The following IQCM variants were observed in gnomAD, a reference collection of about 807,000 sequenced individuals.
The protein encoded by IQCM is IQ motif containing M, also known as IQ domain-containing protein M.
IQCM carries 45 observed loss-of-function variants against 57.6 expected under a neutral mutation model. The observed-to-expected ratio is 0.78, with a 90% CI of 0.62 to 1.00. The LOEUF is 1.00. IQCM is among the 50% of genes least tolerant of loss of function. The pLI is 0.00. For synonymous variants in IQCM, 148 were observed against 158.9 expected, an observed-to-expected ratio of 0.93 and a Z score of 0.51; for missense variants, 468 against 511.6, an observed-to-expected ratio of 0.91 and a Z score of 0.82.
At chr4:149,491,526 G>A (rs754475147) in intron 12 of IQCM, among the ~76,000 whole-genome samples, 16 of 151,924 alleles carry the variant, frequency 1.1e-4, no homozygotes, top group South Asian at 2.1e-4. Context: ...GTTTTTCTGC[G>A]CCTGGTTTAT....
At chr4:149,598,998 G>C (rs1403198698) in intron 8 of IQCM, among the ~76,000 whole-genome samples, 1 of 151,844 alleles carries the variant, frequency 6.6e-6, no homozygotes, top group Admixed American at 6.6e-5. Context: ...CCCAAGACTG[G>C]ATGGCATATA....
chr4:149,424,208 T>A (rs2111230673), intron 13 of IQCM, among the ~76,000 whole-genome samples: 1 of 151,978 alleles, frequency 6.6e-6, no homozygotes, highest in Admixed American at 6.6e-5. Flanking sequence ...AATGTAAAAC[T>A]ATTTTTAAAT....
intron 8 of IQCM, among the ~76,000 whole-genome samples, chr4:149,615,142 TTC>T (rs1755674056): frequency 6.6e-6 from 1 of 152,196 alleles, no homozygotes; most frequent in Non-Finnish European, 1.5e-5. Context: ...TTGTTTTTTT[TTC>T]AGCTATGACT....
intron 10 of IQCM, among the ~76,000 whole-genome samples, chr4:149,560,684 A>G (rs545001470): frequency 1.3e-5 from 2 of 152,226 alleles, no homozygotes; most frequent in Non-Finnish European, 2.9e-5. Context: ...GACAGGTAAG[A>G]TAATTTGATG....
At chr4:149,447,660 A>G (rs534284262) in intron 12 of IQCM, among the ~76,000 whole-genome samples, 2 of 151,704 alleles carry the variant, frequency 1.3e-5, no homozygotes, top group East Asian at 3.9e-4. Context: ...AACATTAAAA[A>G]GCCTAATATA....
chr4:149,643,510 C>T (rs1238539811), intron 7 of IQCM, among the ~76,000 whole-genome samples: 1 of 152,018 alleles, frequency 6.6e-6, no homozygotes, highest in Non-Finnish European at 1.5e-5. Flanking sequence ...AGTAGGTCCA[C>T]CAGGGAGTGA....
At chr4:149,523,288 G>C (rs1458307326) in intron 12 of IQCM, among the ~76,000 whole-genome samples, 1 of 151,822 alleles carries the variant, frequency 6.6e-6, no homozygotes, top group African/African-American at 2.4e-5. Context: ...ACAAATTTTG[G>C]GGAAATACAT....
chr4:149,608,472 C>T (rs1754989818), intron 8 of IQCM, among the ~76,000 whole-genome samples: 1 of 151,776 alleles, frequency 6.6e-6, no homozygotes, highest in South Asian at 2.1e-4. Flanking sequence ...CATTCTTCTC[C>T]TCAACACATG....
At chr4:149,515,192 C>CT (rs1446733613) in intron 12 of IQCM, among the ~76,000 whole-genome samples, 2 of 151,588 alleles carry the variant, frequency 1.3e-5, no homozygotes, top group African/African-American at 2.4e-5. Context: ...AACTACTCCC[C>CT]TTTTTTTGAG....
In IQCM at chr4:149,688,389, C is replaced by T. The variant is rs1230600160; in HGVS notation, c.386-1921G>A. On this transcript the variant is annotated intron_variant, in intron 5 of 13. Transcript: ENST00000636793. ...AAAAATAAAATACTTAAGAATATAC[C>T]TAACCAAGGAGGCAAAAGACCTCTA... Among the ~76,000 whole-genome samples, 3 of 151,774 alleles carry T rather than the reference C, an allele frequency of 2.0e-5. No individual in the cohort carries two copies. The East Asian group carries it at 5.8e-4, about 29-fold the overall frequency.
chr4:149,512,262 G>C (rs1051649790), intron 12 of IQCM, among the ~76,000 whole-genome samples: 4 of 152,080 alleles, frequency 2.6e-5, no homozygotes, highest in South Asian at 2.1e-4. Flanking sequence ...ATAGGGGTTG[G>C]GGGGGCAGTG....
At chr4:149,646,327 G>T (rs2150124834) in intron 7 of IQCM, among the ~76,000 whole-genome samples, 1 of 151,900 alleles carries the variant, frequency 6.6e-6, no homozygotes, top group South Asian at 2.1e-4. Flanking sequence ...TGAAATATGA[G>T]ATTAGAGTTA....
intron 12 of IQCM, among the ~76,000 whole-genome samples, chr4:149,448,453 A>T (rs1054834462): frequency 6.6e-6 from 1 of 151,666 alleles, no homozygotes; most frequent in Non-Finnish European, 1.5e-5. Context: ...CTTGAAAAGG[A>T]AGAGTAAATG....
intron 7 of IQCM, among the ~76,000 whole-genome samples, chr4:149,626,046 C>G (rs1036686571): frequency 2.0e-5 from 3 of 151,890 alleles, no homozygotes; most frequent in African/African-American, 7.3e-5. Flanking sequence ...TTGAAGGATA[C>G]AAAGTATTGA....
intron 10 of IQCM, among the ~76,000 whole-genome samples, chr4:149,558,602 G>C (rs905017361): frequency 1.3e-5 from 2 of 152,104 alleles, no homozygotes; most frequent in Non-Finnish European, 2.9e-5. Flanking sequence ...AAAAGAGACA[G>C]GGAGTGATTA....
chr4:149,591,279 C>T (rs964815066), intron 8 of IQCM, among the ~76,000 whole-genome samples: 2 of 151,922 alleles, frequency 1.3e-5, no homozygotes, highest in African/African-American at 2.4e-5. Context: ...TTGACAATTC[C>T]TTCATGGTCT....
At chr4:149,504,872 C>G (rs893073703) in intron 12 of IQCM, among the ~76,000 whole-genome samples, 1 of 152,032 alleles carries the variant, frequency 6.6e-6, no homozygotes, top group Non-Finnish European at 1.5e-5. Flanking sequence ...GAGATCGTGT[C>G]AAAGCAAGAC....
At chr4:149,680,566 G>C (rs1762106773) in intron 7 of IQCM, among the ~76,000 whole-genome samples, 1 of 151,106 alleles carries the variant, frequency 6.6e-6, no homozygotes, top group Non-Finnish European at 1.5e-5. Context: ...ATTTACATTT[G>C]TTCATTCATT....
At chr4:149,663,659 T>A (rs1426454122) in intron 7 of IQCM, among the ~76,000 whole-genome samples, 1 of 152,122 alleles carries the variant, frequency 6.6e-6, no homozygotes. Flanking sequence ...AATATACCAT[T>A]CTCTTCTAGC....
Sources: allele counts gnomAD v4.1 joint callset (sites outside exome capture counted in the v4.1 genomes callset), GRCh38; gene constraint gnomAD v4.1.1; transcripts MANE v1.5; gene names NCBI Gene and HGNC (gene_info 2026-07-23, HGNC 2026-07-21).